The following UNC5C variants were observed in gnomAD, a reference collection of about 807,000 sequenced individuals.
UNC5C encodes the protein netrin receptor UNC5C.
Under a neutral mutation model 99.8 loss-of-function variants are expected in UNC5C, and 47 were observed. That is an observed-to-expected ratio of 0.47 (90% CI 0.37 to 0.60). UNC5C has a LOEUF of 0.60. Ranked by LOEUF, UNC5C falls within the 20% of genes least tolerant of loss-of-function variation. The pLI is 0.00. For synonymous variants in UNC5C, 487 were observed against 452.2 expected (o/e 1.08, Z -0.98); for missense variants, 1,062 against 1,165.9 (o/e 0.91, Z 1.30).
intron 1 of UNC5C, among the ~76,000 whole-genome samples, chr4:95,467,054 C>G (rs1465887474): frequency 2.0e-5 from 3 of 152,110 alleles, no homozygotes; most frequent in Non-Finnish European, 4.4e-5. Flanking sequence ...AAACTGAGGC[C>G]TCCTGCCAAC....
chr4:95,256,493 C>T (rs1359529215), intron 4 of UNC5C, among the ~76,000 whole-genome samples: 2 of 151,946 alleles, frequency 1.3e-5, no homozygotes, highest in African/African-American at 4.8e-5. Context: ...GACCACTTCT[C>T]ATTCCCTCAC....
intron 1 of UNC5C, among the ~76,000 whole-genome samples, chr4:95,511,194 T>C (rs1047524498): frequency 3.9e-5 from 6 of 152,116 alleles, no homozygotes. Flanking sequence ...CAGAAGCTAA[T>C]AATATCAGGG....
chr4:95,296,455 G>A (rs1741673773), intron 3 of UNC5C, among the ~76,000 whole-genome samples: 1 of 152,094 alleles, frequency 6.6e-6, no homozygotes, highest in Non-Finnish European at 1.5e-5. Context: ...AAAGAAAGGG[G>A]TCTTATACCT....
intron 2 of UNC5C, 38 bp downstream of exon 2, chr4:95,335,372 A>T (rs1743292561): frequency 1.3e-6 from 2 of 1,553,168 alleles, no homozygotes; most frequent in South Asian, 2.3e-5. Flanking sequence ...TGAGTAAGTG[A>T]ATCTTGAAGT....
chr4:95,215,399 C>T (rs1738212463), intron 10 of UNC5C, among the ~76,000 whole-genome samples: 2 of 152,166 alleles, frequency 1.3e-5, no homozygotes, highest in Non-Finnish European at 2.9e-5. Context: ...ATTTAACACA[C>T]GCATTTTACA....
intron 1 of UNC5C, among the ~76,000 whole-genome samples, chr4:95,382,446 G>A (rs1203603880): frequency 7.2e-6 from 1 of 138,546 alleles, no homozygotes; most frequent in Non-Finnish European, 1.5e-5. Context: ...GTGACAGAGT[G>A]AGACCGTCTG....
intron 1 of UNC5C, among the ~76,000 whole-genome samples, chr4:95,512,268 T>G (rs1427991967): frequency 1.3e-5 from 2 of 152,170 alleles, no homozygotes; most frequent in African/African-American, 2.4e-5. Context: ...TTTACATACA[T>G]ATTCATACAC....
intron 1 of UNC5C, among the ~76,000 whole-genome samples, chr4:95,409,040 T>A (rs1029994051): frequency 1.4e-4 from 22 of 152,212 alleles, no homozygotes; most frequent in Admixed American, 4.6e-4. Context: ...TTAGTTTTTT[T>A]AAATAACAAT....
At chr4:95,500,098 C>T (rs183113355) in intron 1 of UNC5C, among the ~76,000 whole-genome samples, 117 of 152,132 alleles carry the variant, frequency 7.7e-4, no homozygotes, top group African/African-American at 2.6e-3. Context: ...ATGATAAAAA[C>T]GTAGGAGTTT....
intron 4 of UNC5C, among the ~76,000 whole-genome samples, chr4:95,258,419 G>A (rs1740087184): frequency 6.6e-6 from 1 of 152,028 alleles, no homozygotes; most frequent in Non-Finnish European, 1.5e-5. Context: ...ATTATTTTTA[G>A]TTACATAAAA....
chr4:95,471,511 T>C (rs2149474581), intron 1 of UNC5C, among the ~76,000 whole-genome samples: 1 of 152,162 alleles, frequency 6.6e-6, no homozygotes, highest in South Asian at 2.1e-4. Context: ...AACCTGCAGT[T>C]TACATGAGTA....
chr4:95,435,825 G>A (rs1366410699), intron 1 of UNC5C, among the ~76,000 whole-genome samples: 2 of 151,962 alleles, frequency 1.3e-5, no homozygotes, highest in Non-Finnish European at 2.9e-5. Flanking sequence ...TTAACCATTT[G>A]CATGTGTAGA....
intron 1 of UNC5C, among the ~76,000 whole-genome samples, chr4:95,413,616 C>T (rs76431433): frequency 0.011 from 1,696 of 152,326 alleles, 38 homozygotes; most frequent in African/African-American, 0.039. Context: ...TTGAAAGCTA[C>T]ACAGACTGCG....
At chr4:95,416,278 T>C (rs947489817) in intron 1 of UNC5C, among the ~76,000 whole-genome samples, 1 of 152,066 alleles carries the variant, frequency 6.6e-6, no homozygotes, top group Non-Finnish European at 1.5e-5. Context: ...TAAGAATTTT[T>C]AGAGTGAGGA....
chr4:95,500,592 G>T (rs772905849), intron 1 of UNC5C, among the ~76,000 whole-genome samples: 1 of 152,086 alleles, frequency 6.6e-6, no homozygotes, highest in Non-Finnish European at 1.5e-5. Flanking sequence ...TTCCTCAGCT[G>T]CATAAACAAC....
intron 2 of UNC5C, among the ~76,000 whole-genome samples, chr4:95,320,422 C>CAAAA (rs34842898): frequency 5.9e-4 from 55 of 92,606 alleles, no homozygotes; most frequent in Middle Eastern, 5.8e-3. Context: ...AATTCCATCT[C>CAAAA]AAAAAAAAAA....
intron 3 of UNC5C, among the ~76,000 whole-genome samples, chr4:95,278,628 G>C (rs1740947671): frequency 6.6e-6 from 1 of 151,758 alleles, no homozygotes; most frequent in African/African-American, 2.4e-5. Flanking sequence ...GTGCATGCTA[G>C]CATGCTTGGC....
At chr4:95,305,163 C>G (rs1742017907) in intron 2 of UNC5C, among the ~76,000 whole-genome samples, 1 of 152,120 alleles carries the variant, frequency 6.6e-6, no homozygotes, top group Non-Finnish European at 1.5e-5. Context: ...TATTACATAG[C>G]CCAAAGTTTA....
chr4:95,256,885 T>A (rs984882101), intron 4 of UNC5C, among the ~76,000 whole-genome samples: 3 of 151,828 alleles, frequency 2.0e-5, no homozygotes, highest in African/African-American at 7.3e-5. Flanking sequence ...AATGTGCTGC[T>A]GAGGGAGAAA....
Sources: allele counts gnomAD v4.1 joint callset (sites outside exome capture counted in the v4.1 genomes callset), GRCh38; gene constraint gnomAD v4.1.1; transcripts MANE v1.5; gene names NCBI Gene and HGNC (gene_info 2026-07-23, HGNC 2026-07-21).